The following FSTL5 variants were observed in gnomAD, a reference collection of about 807,000 sequenced individuals.
FSTL5 encodes the protein follistatin like 5.
Under a neutral mutation model 89.1 loss-of-function variants are expected in FSTL5, and 62 were observed. That is an observed-to-expected ratio of 0.70 (90% confidence interval 0.57 to 0.86). The LOEUF (loss-of-function observed/expected upper bound fraction) is 0.86. Ranked by LOEUF, FSTL5 falls within the 40% of genes least tolerant of loss-of-function variation. The pLI, the probability that FSTL5 is intolerant of heterozygous loss-of-function variation, is 0.00. For missense variants in FSTL5, 1,057 were observed against 1,001.6 expected, an observed-to-expected ratio of 1.06 and a Z score of -0.75; for synonymous variants, 383 against 346.2, an observed-to-expected ratio of 1.11 and a Z score of -1.18.
In FSTL5 at chr4:161,715,366, G is replaced by C. The variant is rs563837748; in HGVS notation, c.727+44045C>G. Among the ~76,000 whole-genome samples the C allele has an allele frequency of 5.9e-5, 9 of 152,218 alleles. No homozygotes were observed. The East Asian group carries it at 1.7e-3, about 29-fold the overall frequency. On this transcript the variant is annotated intron_variant, in intron 6 of 15. Coordinates refer to ENST00000306100, the MANE Select transcript of FSTL5 (RefSeq NM_020116.5). ...ACTGCCCAAATGTTTGATAATAGTG[G>C]ATCGTTCTGTCTTTAATAACATACT...
chr4:162,033,725 G>C, intron 2 of FSTL5, 67 bp from the exon 3 acceptor site: 1 of 859,604 alleles, frequency 1.2e-6, no homozygotes, highest in Admixed American at 2.8e-5. Flanking sequence ...TTCATATAAA[G>C]TTTCACTATA....
chr4:161,890,471 C>T (rs1218235646), intron 4 of FSTL5, among the ~76,000 whole-genome samples: 1 of 151,828 alleles, frequency 6.6e-6, no homozygotes, highest in African/African-American at 2.4e-5. Context: ...GGGCAGATCA[C>T]GAGGTCAGGA....
chr4:161,802,286 C>T (rs1729822648), intron 4 of FSTL5, among the ~76,000 whole-genome samples: 1 of 151,576 alleles, frequency 6.6e-6, no homozygotes, highest in Non-Finnish European at 1.5e-5. Context: ...TGATTATAAC[C>T]ACTCTAAGCA....
chr4:162,110,282 C>T (rs984642848), intron 2 of FSTL5, among the ~76,000 whole-genome samples: 28 of 151,834 alleles, frequency 1.8e-4, no homozygotes, highest in African/African-American at 6.8e-4. Flanking sequence ...ATAGTTACTT[C>T]TTCATAAGAT....
intron 15 of FSTL5, among the ~76,000 whole-genome samples, chr4:161,422,943 G>A (rs1026216216): frequency 4.6e-5 from 7 of 152,156 alleles, no homozygotes; most frequent in African/African-American, 1.7e-4. Context: ...ACCTGTTAAA[G>A]CTGTTTATGG....
intron 4 of FSTL5, among the ~76,000 whole-genome samples, chr4:161,797,344 A>C (rs765694681): frequency 1.3e-5 from 2 of 151,620 alleles, no homozygotes; most frequent in Non-Finnish European, 3.0e-5. Context: ...GTTTCTCTCA[A>C]TTGGGTTAAA....
At chr4:161,882,978 A>T (rs1732682673) in intron 4 of FSTL5, among the ~76,000 whole-genome samples, 1 of 152,156 alleles carries the variant, frequency 6.6e-6, no homozygotes, top group Non-Finnish European at 1.5e-5. Context: ...ATATTATCTC[A>T]TTGGGATCAA....
At chr4:161,650,000 C>T (rs923560726) in intron 7 of FSTL5, among the ~76,000 whole-genome samples, 2 of 152,146 alleles carry the variant, frequency 1.3e-5, no homozygotes, top group African/African-American at 4.8e-5. Context: ...CGATTGAGAT[C>T]CATGTGCTTT....
intron 4 of FSTL5, among the ~76,000 whole-genome samples, chr4:161,859,422 T>A (rs1186845044): frequency 6.6e-6 from 1 of 152,202 alleles, no homozygotes; most frequent in Non-Finnish European, 1.5e-5. Context: ...CTTTCAGTCT[T>A]TAGTGAATTT....
At chr4:162,132,708 T>G (rs2111461295) in intron 1 of FSTL5, among the ~76,000 whole-genome samples, 1 of 152,296 alleles carries the variant, frequency 6.6e-6, no homozygotes. Flanking sequence ...AAGAAGAAGC[T>G]GCACTCAAAA....
chr4:162,016,695 C>A (rs1478161401), intron 3 of FSTL5, among the ~76,000 whole-genome samples: 2 of 152,118 alleles, frequency 1.3e-5, no homozygotes, highest in African/African-American at 4.8e-5. Context: ...TTTGGAGTAT[C>A]TCCATGTTCC....
intron 4 of FSTL5, among the ~76,000 whole-genome samples, chr4:161,838,745 A>G (rs1207005788): frequency 3.9e-5 from 6 of 152,096 alleles, no homozygotes; most frequent in Admixed American, 3.9e-4. Flanking sequence ...AAACAGTCTG[A>G]CCAAATTAAA....
chr4:162,004,884 C>T (rs1320322803), intron 3 of FSTL5, among the ~76,000 whole-genome samples: 2 of 152,234 alleles, frequency 1.3e-5, no homozygotes, highest in East Asian at 3.9e-4. Context: ...CCATACCAAC[C>T]TCCCAACTGT....
chr4:161,695,796 A>T (rs952051764), intron 6 of FSTL5, among the ~76,000 whole-genome samples: 2 of 151,732 alleles, frequency 1.3e-5, no homozygotes, highest in Non-Finnish European at 2.9e-5. Flanking sequence ...TTCTTAGCCC[A>T]CTTTTCGATG....
chr4:162,069,982 T>C (rs1193125070), intron 2 of FSTL5, among the ~76,000 whole-genome samples: 2 of 151,922 alleles, frequency 1.3e-5, no homozygotes, highest in Non-Finnish European at 2.9e-5. Flanking sequence ...CCATAATGGC[T>C]GCACTAGCTT....
rs142847156 is a variant in FSTL5, at chr4:161,892,247, G to A, written c.409+28157C>T. Among the ~76,000 whole-genome samples, 702 of 151,682 alleles carry A rather than the reference G, an allele frequency of 4.6e-3. 3 individuals are homozygous for A. The highest frequency in any genetic ancestry group is 0.016 in the African/African-American group (682 of 41,404). On this transcript the variant is annotated intron_variant, in intron 4 of 15. Coordinates refer to ENST00000306100, the MANE Select transcript of FSTL5 (RefSeq NM_020116.5). ...TTTTTTCTACTAACTTTTCAACTTA[G>A]GCCTGCTTTCATTGGCTTCCCTTCT...
chr4:161,632,908 A>C lies in FSTL5; in HGVS notation c.894+23420T>G, dbSNP rs529365710. Among the ~76,000 whole-genome samples, 26 of 152,302 alleles carry C rather than the reference A, an allele frequency of 1.7e-4. No individual in the cohort carries two copies. The East Asian group carries it at 4.6e-3, about 27-fold the overall frequency. Reference sequence around the variant, plus strand: ...AGGGACAGAAAACTAAATCTTATTAAATTTTCACTATCTACCTCGTTTTAT... The same window carrying C: ...AGGGACAGAAAACTAAATCTTATTACATTTTCACTATCTACCTCGTTTTAT... On this transcript the variant is annotated intron_variant, in intron 7 of 15. Coordinates refer to ENST00000306100, the MANE Select transcript of FSTL5 (RefSeq NM_020116.5).
In FSTL5 at chr4:161,385,605, A is replaced by G; in HGVS notation, c.*142T>C. 1.6e-6 allele frequency: 1 copy of G among 619,306 alleles called. No individual in the cohort carries two copies. Among genetic ancestry groups the G allele is most frequent in the East Asian group, 2.8e-5 (1 of 36,054 alleles). The allele number at this position is 619,306 out of a possible 1,614,324, so 38.4% of individuals were successfully genotyped here. On this transcript the variant is annotated 3_prime_UTR_variant, in exon 16 of 16. Coordinates refer to ENST00000306100, the MANE Select transcript of FSTL5 (RefSeq NM_020116.5). Reference sequence around the variant, plus strand: ...TGTATGTCTTAGTCACTTAGTCAAAAACAATTTATTTTATTTGGACCAACC... The same window carrying G: ...TGTATGTCTTAGTCACTTAGTCAAAGACAATTTATTTTATTTGGACCAACC...
chr4:162,016,302 C>T (rs1220571520), intron 3 of FSTL5, among the ~76,000 whole-genome samples: 1 of 152,098 alleles, frequency 6.6e-6, no homozygotes, highest in Non-Finnish European at 1.5e-5. Flanking sequence ...CTTTTCAGAA[C>T]TTGCTTGATA....
Sources: allele counts gnomAD v4.1 joint callset (sites outside exome capture counted in the v4.1 genomes callset), GRCh38; gene constraint gnomAD v4.1.1; transcripts MANE v1.5; gene names NCBI Gene and HGNC (gene_info 2026-07-23, HGNC 2026-07-21).